The following EAPP variants were observed in gnomAD, a reference collection of about 807,000 sequenced individuals.
EAPP encodes E2F associated phosphoprotein, also known as E2F-associated phosphoprotein.
In EAPP, 38 loss-of-function variants were observed where a neutral mutation model predicts 34.3. That is an observed-to-expected ratio of 1.11 (90% CI 0.85 to 1.45). The LOEUF (loss-of-function observed/expected upper bound fraction) is 1.45. EAPP is among the 40% of genes most tolerant of loss of function. The pLI, the probability that EAPP is intolerant of heterozygous loss-of-function variation, is 0.00. For missense variants in EAPP, 338 were observed against 343.7 expected, an observed-to-expected ratio of 0.98 and a Z score of 0.13; for synonymous variants, 113 against 117.6, an observed-to-expected ratio of 0.96 and a Z score of 0.25.
In EAPP at chr14:34,538,460, ACT is replaced by A. The variant is rs1406585518; in HGVS notation, c.74+1093_74+1094del. Among the ~76,000 whole-genome samples, 5 of 152,050 alleles carry A rather than the reference ACT, an allele frequency of 3.3e-5. No individual in the cohort carries two copies. The East Asian group carries it at 9.6e-4, about 29-fold the overall frequency. On this transcript the variant is annotated intron_variant, in intron 1 of 5. Transcript: ENST00000250454. Reference sequence around the variant, plus strand: ...TCACAGACAGGACCCATTAACTGAAACTCTTTTTCACAGGGAATCCTGGTATC... The same window carrying A: ...TCACAGACAGGACCCATTAACTGAAACTTTTTCACAGGGAATCCTGGTATC...
chr14:34,531,853 G>A (rs1230281051), intron 3 of EAPP, among the ~76,000 whole-genome samples: 3 of 151,658 alleles, frequency 2.0e-5, no homozygotes, highest in Admixed American at 6.6e-5. Flanking sequence ...GAGGTGGGTG[G>A]ATCACAAGGT....
At chr14:34,536,448 A>C in intron 1 of EAPP, 173 bp from the exon 2 acceptor site, 1 of 417,756 alleles carries the variant, frequency 2.4e-6, no homozygotes, top group Non-Finnish European at 4.0e-6. Context: ...CATATTTCCA[A>C]TCTTCTTTAA....
At chr14:34,516,940 C>G (rs922087001) in intron 5 of EAPP, among the ~76,000 whole-genome samples, 1 of 139,834 alleles carries the variant, frequency 7.2e-6, no homozygotes, top group African/African-American at 2.6e-5. Context: ...TTGAAAGTAA[C>G]TTTTTTTTTT....
intron 5 of EAPP, among the ~76,000 whole-genome samples, chr14:34,521,434 C>T (rs943767430): frequency 6.6e-6 from 1 of 151,916 alleles, no homozygotes; most frequent in African/African-American, 2.4e-5. Flanking sequence ...CTCCTGAGTA[C>T]CAATTCTTAG....
intron 1 of EAPP, among the ~76,000 whole-genome samples, chr14:34,537,264 G>A (rs546071320): frequency 6.6e-6 from 1 of 152,294 alleles, no homozygotes; most frequent in South Asian, 2.1e-4. Flanking sequence ...TCCTGCCTTG[G>A]CCTTCCAAAG....
chr14:34,539,282 A>G, intron 1 of EAPP: 2 of 644,272 alleles, frequency 3.1e-6, no homozygotes, highest in South Asian at 3.1e-5. Context: ...ACTAAGGTGT[A>G]GAGACAGGTT....
chr14:34,533,329 C>A, intron 3 of EAPP, 115 bp downstream of exon 3: 1 of 824,454 alleles, frequency 1.2e-6, no homozygotes, highest in Non-Finnish European at 2.0e-6. Context: ...GCCACCATGC[C>A]TAGCTGTAAT....
Position 34,539,614 on chromosome 14 carries a change from C to A in EAPP, c.15G>T (p.Pro5=). 6.3e-7 allele frequency: 1 copy of A among 1,576,370 alleles called. No homozygotes were observed. The highest frequency in any genetic ancestry group is 8.6e-7 in the Non-Finnish European group (1 of 1,159,504). The change falls in exon 1 of 6, where the codon CCG becomes CCT. Residue 5 remains proline, a synonymous_variant. Transcript: ENST00000250454. The part of the protein sequence containing the change: MNRL[P]DDYDPYAVEE... ...CAACCGCGTAGGGGTCGTAGTCATC[C>A]GGAAGCCGGTTCATGGTGGCCTGCA...
At chr14:34,535,865 C>G in intron 2 of EAPP, 1 of 418,244 alleles carries the variant, frequency 2.4e-6, no homozygotes, top group South Asian at 3.4e-5. Flanking sequence ...CCACTGCACT[C>G]CAGCCTGGGT....
chr14:34,539,370 G>A (rs751293227), intron 1 of EAPP, 185 bp downstream of exon 1: 2 of 715,214 alleles, frequency 2.8e-6, no homozygotes, highest in South Asian at 3.0e-5. Context: ...GGCGACATCG[G>A]CACCGCCTCC....
chr14:34,516,053 A>G lies in EAPP; in HGVS notation c.*257T>C. On this transcript the variant is annotated 3_prime_UTR_variant, in exon 6 of 6. Transcript: ENST00000250454. ...CATTTTAATTCTACAGAGCTTTAAT[A>G]AAAAGCCCGACAGTTTCCAAATGTT... is the stretch of plus-strand genomic sequence containing the variant. 2.7e-6 allele frequency: 1 copy of G among 376,034 alleles called. No individual in the cohort carries two copies. 23.3% of individuals were successfully genotyped at this position (376,034 alleles called of 1,614,324 possible). A position where few individuals can be genotyped will look rare whatever the true frequency, so the allele number is the denominator to read the frequency against.
At position 34,516,311 on chromosome 14, in the gene EAPP, T is replaced by A. The variant is rs368971767; in HGVS notation, c.857A>T (p.Ter286LeuextTer30). 3 of 1,608,546 alleles carry A rather than the reference T, an allele frequency of 1.9e-6. No individual in the cohort carries two copies. The highest frequency in any genetic ancestry group is 2.5e-6 in the Non-Finnish European group (3 of 1,177,030). ...HFFNVLASHS[*>L] ...GTAATTAAATGCCAGTTGGGCTGTT[T>A]AGGAATGGCTTGCTAAAACATTGAA... is the stretch of plus-strand genomic sequence containing the variant. Residue 286 changes from the stop codon to leucine, a stop_lost, in exon 6 of 6, where the codon TAA becomes TTA. Coordinates refer to ENST00000250454, the MANE Select transcript of EAPP (RefSeq NM_018453.4).
Position 34,526,213 on chromosome 14 carries a change from A to G in EAPP, c.471-1406T>C, listed in dbSNP as rs1361243938. ...TGGGAGGCTGAGGTGGGTGGATCAC[A>G]AGGTCAGGAGTTCAAGACCAGCCTG... On this transcript the variant is annotated intron_variant, in intron 4 of 5. Coordinates refer to ENST00000250454, the MANE Select transcript of EAPP (RefSeq NM_018453.4). Among the ~76,000 whole-genome samples, 3 of 150,548 alleles carry G rather than the reference A, an allele frequency of 2.0e-5. No homozygotes were observed. The East Asian group carries it at 6.0e-4, about 30-fold the overall frequency.
intron 2 of EAPP, among the ~76,000 whole-genome samples, chr14:34,534,580 T>C (rs1346623381): frequency 6.6e-6 from 1 of 152,176 alleles, no homozygotes; most frequent in Non-Finnish European, 1.5e-5. Context: ...TTTAGTGCCA[T>C]CTAACCCTAA....
intron 1 of EAPP, 176 bp downstream of exon 1, chr14:34,539,378 TC>T: frequency 2.8e-6 from 2 of 723,644 alleles, no homozygotes; most frequent in South Asian, 1.5e-5. Flanking sequence ...CGGCACCGCC[TC>T]CCCCCGGGAC....
At chr14:34,521,042 C>T (rs2138885740) in intron 5 of EAPP, among the ~76,000 whole-genome samples, 1 of 152,104 alleles carries the variant, frequency 6.6e-6, no homozygotes, top group East Asian at 1.9e-4. Context: ...ATCTCCTTCT[C>T]AAGTTTTGGA....
intron 5 of EAPP, among the ~76,000 whole-genome samples, chr14:34,521,400 T>C (rs555161831): frequency 6.6e-4 from 101 of 152,234 alleles, no homozygotes; most frequent in South Asian, 1.0e-3. Flanking sequence ...ATAAGCTTTC[T>C]ACTCCTTGCT....
intron 5 of EAPP, among the ~76,000 whole-genome samples, chr14:34,522,525 G>A (rs8019739): frequency 0.82 from 124,199 of 152,130 alleles, 50,931 homozygotes; most frequent in Non-Finnish European, 0.85. Context: ...TTAGTTATTT[G>A]TTCCAGTCTT....
In EAPP at chr14:34,536,416, C is replaced by A. The variant is rs948782885; in HGVS notation, c.75-141G>T. ...TACTTATACATTACATATAGCTATT[C>A]TCACTTAATAAGCCAGTTCTGCATA... is the stretch of plus-strand genomic sequence containing the variant. On this transcript the variant is annotated intron_variant, in intron 1 of 5. Coordinates refer to ENST00000250454, the MANE Select transcript of EAPP (RefSeq NM_018453.4). 21 of 531,662 alleles carry A rather than the reference C, an allele frequency of 3.9e-5. No homozygotes were observed. The African/African-American group carries it at 4.0e-4, about 10-fold the overall frequency. The allele number at this position is 531,662 out of a possible 1,614,324, so 32.9% of individuals were successfully genotyped here. A position where few individuals can be genotyped will look rare whatever the true frequency, so the allele number is the denominator to read the frequency against.
Sources: allele counts gnomAD v4.1 joint callset (sites outside exome capture counted in the v4.1 genomes callset), GRCh38; gene constraint gnomAD v4.1.1; transcripts MANE v1.5; gene names NCBI Gene and HGNC (gene_info 2026-07-23, HGNC 2026-07-21).